DRC9: variants seen among roughly 807,000 people sequenced by gnomAD.
The protein encoded by DRC9 is dynein regulatory complex subunit 9.
the DRC9 span, among the ~76,000 whole-genome samples, chr3:197,937,918 C>T: frequency 6.6e-6 from 1 of 151,792 alleles, no homozygotes; most frequent in African/African-American, 2.4e-5. Flanking sequence ...GCCTGGGCTA[C>T]AGAGTGACCT....
chr3:197,922,631 G>A, the DRC9 span, among the ~76,000 whole-genome samples: 1 of 151,992 alleles, frequency 6.6e-6, no homozygotes, highest in East Asian at 1.9e-4. Context: ...GCTTGAACTC[G>A]AGAGACGGAG....
chr3:197,945,704 C>A, the DRC9 span: 1 of 996,036 alleles, frequency 1.0e-6, no homozygotes, highest in Non-Finnish European at 1.5e-6. Context: ...GGGAAAGAAA[C>A]ACTGAGATTA....
At chr3:197,932,058 A>T in the DRC9 span, 1 of 1,115,922 alleles carries the variant, frequency 9.0e-7, no homozygotes, top group Non-Finnish European at 1.3e-6. Context: ...TCTGACTTCT[A>T]GTTATCTTCC....
At chr3:197,907,864 C>A in the DRC9 span, among the ~76,000 whole-genome samples, 1 of 146,686 alleles carries the variant, frequency 6.8e-6, no homozygotes, top group Non-Finnish European at 1.5e-5. Context: ...AAGGCACCCT[C>A]CCAGATGAAG....
chr3:197,932,185 G>A, the DRC9 span: 1 of 1,612,394 alleles, frequency 6.2e-7, no homozygotes, highest in Non-Finnish European at 8.5e-7. Flanking sequence ...TGGCAATGAT[G>A]TCATAGAAAT....
At chr3:197,905,517 C>T in the DRC9 span, among the ~76,000 whole-genome samples, 28 of 152,166 alleles carry the variant, frequency 1.8e-4, no homozygotes, top group Non-Finnish European at 2.8e-4. Context: ...GAGGCTGAGG[C>T]GGGTGGATCA....
At chr3:197,898,904 A>G in the DRC9 span, among the ~76,000 whole-genome samples, 1 of 152,178 alleles carries the variant, frequency 6.6e-6, no homozygotes. Context: ...AACCTTCAAC[A>G]AGTTTCAGTA....
At chr3:197,946,325 C>T in the DRC9 span, among the ~76,000 whole-genome samples, 1 of 150,884 alleles carries the variant, frequency 6.6e-6, no homozygotes, top group South Asian at 2.1e-4. Context: ...GTCCCAGCTA[C>T]TCGGGAGGCT....
the DRC9 span, among the ~76,000 whole-genome samples, chr3:197,941,327 CCTCT>C: frequency 6.0e-5 from 6 of 100,266 alleles, no homozygotes; most frequent in South Asian, 4.0e-4. Flanking sequence ...TTCCTTCCTT[CCTCT>C]CTCTCTCCCC....
chr3:197,908,713 G>T, the DRC9 span, among the ~76,000 whole-genome samples: 12 of 145,964 alleles, frequency 8.2e-5, no homozygotes, highest in Non-Finnish European at 1.6e-4. Context: ...GACTGTACCA[G>T]GTCTGAAGAG....
chr3:197,909,234 GA>G, the DRC9 span, among the ~76,000 whole-genome samples: 1 of 152,056 alleles, frequency 6.6e-6, no homozygotes, highest in Non-Finnish European at 1.5e-5. Flanking sequence ...ACCAATAATA[GA>G]AAAAGGATTC....
At chr3:197,936,203 TTG>T in the DRC9 span, among the ~76,000 whole-genome samples, 1 of 152,180 alleles carries the variant, frequency 6.6e-6, no homozygotes, top group Non-Finnish European at 1.5e-5. Context: ...TGTTGTAATT[TTG>T]TCTTTTGACA....
the DRC9 span, chr3:197,891,518 T>G: frequency 1.9e-6 from 3 of 1,600,340 alleles, no homozygotes; most frequent in African/African-American, 4.0e-5. Context: ...CTATACGATC[T>G]TCAATGATGA....
the DRC9 span, among the ~76,000 whole-genome samples, chr3:197,920,346 T>TAGG: frequency 0.25 from 37,408 of 150,466 alleles, 5,821 homozygotes; most frequent in African/African-American, 0.46. Flanking sequence ...GAAGCTGAGG[T>TAGG]AGGACTAGTT....
At chr3:197,952,437 G>A in the DRC9 span, 12 of 151,918 alleles carry the variant, frequency 7.9e-5, no homozygotes, top group African/African-American at 2.7e-4. Flanking sequence ...CAAAGTGCTG[G>A]GATTACAGGC....
the DRC9 span, among the ~76,000 whole-genome samples, chr3:197,915,706 T>C: frequency 3.3e-5 from 5 of 152,010 alleles, no homozygotes; most frequent in Admixed American, 6.5e-5. Flanking sequence ...CTTGGCTTAC[T>C]GCAAGCTCCA....
the DRC9 span, among the ~76,000 whole-genome samples, chr3:197,910,513 T>C: frequency 2.7e-4 from 41 of 152,328 alleles, 2 homozygotes; most frequent in East Asian, 7.7e-3. Context: ...TCTAATAGCC[T>C]ACCAGGTATT....
chr3:197,903,939 GTCTC>G, the DRC9 span, among the ~76,000 whole-genome samples: 16 of 148,280 alleles, frequency 1.1e-4, 1 homozygote, highest in East Asian at 3.9e-4. Flanking sequence ...GTGAGATCTT[GTCTC>G]TCTCTCTCTC....
chr3:197,889,456 T>C, the DRC9 span: 2 of 1,124,792 alleles, frequency 1.8e-6, no homozygotes, highest in African/African-American at 3.1e-5. Context: ...CAGGCTTCCC[T>C]GGGAAAGTCT....
Sources: gnomAD v4.1 joint callset for allele counts (sites outside exome capture counted in the v4.1 genomes callset) on GRCh38, gnomAD v4.1.1 for gene constraint, MANE v1.5 for transcripts, NCBI Gene and HGNC (gene_info 2026-07-23, HGNC 2026-07-21) for gene names.